Variants in GRIN2B observed in about 807,000 individuals in gnomAD.
GRIN2B encodes the protein glutamate ionotropic receptor NMDA type subunit 2B.
A neutral mutation model predicts 114.5 loss-of-function variants in GRIN2B; 5 were observed. The ratio of observed to expected loss-of-function variants is 0.04; its 90% CI spans 0.02 to 0.09. The LOEUF is 0.09. Among genes scored for constraint, GRIN2B ranks in the 10% least tolerant of loss-of-function variants. The probability of loss-of-function intolerance (pLI) is 1.00; values close to 1 mark genes in which losing one functional copy is unlikely to be tolerated. For missense variants in GRIN2B, 1,108 were observed against 1,943.5 expected, an observed-to-expected ratio of 0.57 and a Z score of 8.08; for synonymous variants, 787 against 745.1, an observed-to-expected ratio of 1.06 and a Z score of -0.92.
At chr12:13,851,961 G>C (rs528397049) in intron 3 of GRIN2B, among the ~76,000 whole-genome samples, 1 of 152,254 alleles carries the variant, frequency 6.6e-6, no homozygotes, top group Admixed American at 6.5e-5. Flanking sequence ...GGTGGAAGCA[G>C]CATGCAGAAA....
intron 2 of GRIN2B, among the ~76,000 whole-genome samples, chr12:13,873,669 G>C (rs1865948697): frequency 6.6e-6 from 1 of 152,280 alleles, no homozygotes; most frequent in African/African-American, 2.4e-5. Flanking sequence ...CTGGGGCATG[G>C]AGGCAGGGGC....
intron 10 of GRIN2B, among the ~76,000 whole-genome samples, chr12:13,572,615 T>C (rs1452106713): frequency 2.0e-5 from 3 of 152,188 alleles, no homozygotes; most frequent in Non-Finnish European, 4.4e-5. Context: ...CCAGTGCCCA[T>C]TATAATAAAG....
intron 4 of GRIN2B, among the ~76,000 whole-genome samples, chr12:13,710,863 T>C (rs1457925156): frequency 6.6e-6 from 1 of 152,004 alleles, no homozygotes; most frequent in African/African-American, 2.4e-5. Context: ...CTTCACAGAA[T>C]TGGAAAAAAA....
chr12:13,602,708 T>C (rs1018326912), intron 10 of GRIN2B, among the ~76,000 whole-genome samples: 3 of 152,198 alleles, frequency 2.0e-5, no homozygotes, highest in Non-Finnish European at 4.4e-5. Flanking sequence ...CAGACCCCCA[T>C]GGGACTTCTT....
chr12:13,615,333 T>A lies in GRIN2B; in HGVS notation c.1501-66A>T. 6.5e-7 allele frequency: 1 copy of A among 1,536,090 alleles called. No individual in the cohort carries two copies. Among genetic ancestry groups the A allele is most frequent in the South Asian group, 1.1e-5 (1 of 89,432 alleles). On this transcript the variant is annotated intron_variant, in intron 7 of 13. Transcript: ENST00000609686. This position sits in a 1 kb window ranked among gnomAD's most constrained non-coding sequence, Gnocchi z 5.8. ...GGGCAAGGGACCACCACAAGGAAAATACAGCCTATCAGTGGTTTTCTTTGT... is the reference window on the plus strand; with the variant it reads ...GGGCAAGGGACCACCACAAGGAAAAAACAGCCTATCAGTGGTTTTCTTTGT...
chr12:13,724,571 G>T (rs1862943158), intron 4 of GRIN2B, among the ~76,000 whole-genome samples: 1 of 152,054 alleles, frequency 6.6e-6, no homozygotes, highest in Non-Finnish European at 1.5e-5. Context: ...AGATTAAGAA[G>T]GTGGGAATGT....
chr12:13,934,625 G>A (rs1451353270), intron 2 of GRIN2B, among the ~76,000 whole-genome samples: 6 of 152,206 alleles, frequency 3.9e-5, no homozygotes, highest in Non-Finnish European at 7.3e-5. Flanking sequence ...AGGCTACCAA[G>A]TGGGTGTAAC....
At chr12:13,908,998 T>C (rs149861873) in intron 2 of GRIN2B, among the ~76,000 whole-genome samples, 1 of 152,316 alleles carries the variant, frequency 6.6e-6, no homozygotes, top group Non-Finnish European at 1.5e-5. Flanking sequence ...TGGGATTGTG[T>C]GTCCACCATG....
chr12:13,871,078 A>T (rs1358220045), intron 2 of GRIN2B, among the ~76,000 whole-genome samples: 1 of 152,224 alleles, frequency 6.6e-6, no homozygotes, highest in Non-Finnish European at 1.5e-5. Context: ...GTATAAGGCA[A>T]CAACTAAAAT....
intron 4 of GRIN2B, among the ~76,000 whole-genome samples, chr12:13,705,609 C>T (rs749069213): frequency 6.6e-6 from 1 of 152,110 alleles, no homozygotes; most frequent in African/African-American, 2.4e-5. Flanking sequence ...CTGGCTGTAA[C>T]ACCAGTCATT....
At chr12:13,925,142 C>G (rs1303794952) in intron 2 of GRIN2B, among the ~76,000 whole-genome samples, 1 of 152,182 alleles carries the variant, frequency 6.6e-6, no homozygotes, top group African/African-American at 2.4e-5. Context: ...GCTGAAGCGC[C>G]AGTGTTGCCT....
At chr12:13,754,337 C>T (rs1421267575) in intron 3 of GRIN2B, among the ~76,000 whole-genome samples, 1 of 152,200 alleles carries the variant, frequency 6.6e-6, no homozygotes, top group Non-Finnish European at 1.5e-5. Flanking sequence ...AACACAAATG[C>T]ACATGCCCAC....
At position 13,563,131 on chromosome 12, in the gene GRIN2B, G is replaced by A. The variant is rs201732760; in HGVS notation, c.4107C>T (p.Gly1369=). The A allele has an allele frequency of 7.2e-5, 116 of 1,614,048 alleles. No individual in the cohort carries two copies. Among genetic ancestry groups the A allele is most frequent in the Admixed American group, 2.2e-4 (13 of 60,004 alleles). ...AGHHHHNNPG[G]GYMLSKSLYP... ...AGAGCGACTTGCTGAGCATGTACCC[G>A]CCGCCGGGGTTGTTGTGGTGGTGAT... is the stretch of plus-strand genomic sequence containing the variant. The change falls in exon 14 of 14, where the codon GGC becomes GGT. Residue 1369 remains glycine (G), a synonymous_variant. Transcript: ENST00000609686.
chr12:13,781,232 T>A (rs1243416058), intron 3 of GRIN2B, among the ~76,000 whole-genome samples: 2 of 152,178 alleles, frequency 1.3e-5, no homozygotes, highest in African/African-American at 4.8e-5. Context: ...AGAATCAAAC[T>A]TCAAAAATAC....
At chr12:13,718,482 G>A (rs1950478663) in intron 4 of GRIN2B, among the ~76,000 whole-genome samples, 1 of 152,040 alleles carries the variant, frequency 6.6e-6, no homozygotes, top group African/African-American at 2.4e-5. Flanking sequence ...ATGAAGGGGT[G>A]GGGTGAGGAG....
At chr12:13,653,361 T>C (rs547461835) in intron 5 of GRIN2B, among the ~76,000 whole-genome samples, 5 of 152,148 alleles carry the variant, frequency 3.3e-5, no homozygotes, top group African/African-American at 1.2e-4. Flanking sequence ...GTCATCTAAG[T>C]TGGGTTCAGG....
chr12:13,592,790 C>T (rs918753841), intron 10 of GRIN2B, among the ~76,000 whole-genome samples: 2 of 152,110 alleles, frequency 1.3e-5, no homozygotes, highest in Admixed American at 6.6e-5. Context: ...CCTGTTCTTT[C>T]GGTCTAAGTG....
At position 13,897,987 on chromosome 12, in the gene GRIN2B, TA is replaced by T. The variant is rs941121941; in HGVS notation, c.-18-31762del. On this transcript the variant is annotated intron_variant, in intron 2 of 13. Transcript: ENST00000609686. ...CACATGTACCCTAAAACTTAAAGTA[TA>T]ATAATAAATAAATAAATAAATAAAT... 7.0e-3 allele frequency among the ~76,000 whole-genome samples: 865 copies of T among 124,062 alleles called. 13 individuals carry two copies. The highest frequency in any genetic ancestry group is 0.028 in the African/African-American group (847 of 30,662). The allele number at this position is 124,062 out of a possible 152,430, so 81.4% of individuals were successfully genotyped here.
intron 3 of GRIN2B, among the ~76,000 whole-genome samples, chr12:13,842,995 T>G (rs1865407046): frequency 6.8e-6 from 1 of 146,552 alleles, no homozygotes; most frequent in East Asian, 1.9e-4. Context: ...GTGTTTTGTT[T>G]TTTTTTAATT....
Sources: allele counts gnomAD v4.1 joint callset (sites outside exome capture counted in the v4.1 genomes callset), GRCh38; gene constraint gnomAD v4.1.1; non-coding constraint Gnocchi (gnomAD v3.1); transcripts MANE v1.5; gene names NCBI Gene and HGNC (gene_info 2026-07-23, HGNC 2026-07-21).